GAREM1: variants seen among roughly 807,000 people sequenced by gnomAD.
GAREM1 encodes GRB2 associated regulator of MAPK1 subtype 1.
GAREM1 carries 26 observed loss-of-function variants against 71.3 expected under a neutral mutation model. That is an observed-to-expected ratio of 0.36 (90% CI 0.27 to 0.51). The LOEUF is 0.51. GAREM1 is among the 20% of genes least tolerant of loss of function. The pLI, the probability that GAREM1 is intolerant of heterozygous loss-of-function variation, is 0.95. For missense variants in GAREM1, 1,026 were observed against 1,103.1 expected (o/e 0.93, Z 0.99); for synonymous variants, 440 against 433.2 (o/e 1.02, Z -0.20).
chr18:32,437,145 C>G (rs867602209), intron 1 of GAREM1, among the ~76,000 whole-genome samples: 23 of 152,118 alleles, frequency 1.5e-4, no homozygotes, highest in African/African-American at 5.1e-4. Flanking sequence ...CAAGTATAAC[C>G]AAGCAAAGCA....
At chr18:32,461,219 T>C (rs1293635122) in intron 1 of GAREM1, among the ~76,000 whole-genome samples, 1 of 152,226 alleles carries the variant, frequency 6.6e-6, no homozygotes, top group East Asian at 1.9e-4. Flanking sequence ...TGAGATTTGC[T>C]CATTCATTTA....
At chr18:32,423,501 A>G (rs2048541320) in intron 1 of GAREM1, among the ~76,000 whole-genome samples, 1 of 152,216 alleles carries the variant, frequency 6.6e-6, no homozygotes, top group Non-Finnish European at 1.5e-5. Context: ...GCTCCAAGGT[A>G]AGAAAAAGAA....
intron 3 of GAREM1, among the ~76,000 whole-genome samples, chr18:32,288,615 A>G (rs1397518257): frequency 6.6e-6 from 1 of 151,842 alleles, no homozygotes; most frequent in Non-Finnish European, 1.5e-5. Flanking sequence ...AAAAGAACTT[A>G]AAAATGTGGT....
intron 2 of GAREM1, among the ~76,000 whole-genome samples, chr18:32,324,849 T>C (rs2047460721): frequency 1.3e-5 from 2 of 152,204 alleles, no homozygotes; most frequent in Non-Finnish European, 2.9e-5. Context: ...TGAAAAAAAT[T>C]ATACCATGTA....
intron 3 of GAREM1, chr18:32,290,123 T>C (rs1221202395): frequency 2.0e-5 from 3 of 151,472 alleles, no homozygotes; most frequent in Non-Finnish European, 4.4e-5. Context: ...TAAAAATATA[T>C]AAAGTATTAT....
intron 3 of GAREM1, among the ~76,000 whole-genome samples, chr18:32,298,161 T>G (rs1017819416): frequency 6.6e-6 from 1 of 152,194 alleles, no homozygotes; most frequent in Non-Finnish European, 1.5e-5. Context: ...ACTCCTACTC[T>G]CATACATAAA....
Position 32,376,913 on chromosome 18 carries a change from C to T in GAREM1, c.262+15982G>A, listed in dbSNP as rs190837021. 1.3e-3 allele frequency among the ~76,000 whole-genome samples: 205 copies of T among 152,264 alleles called. 1 individual carries two copies. Among genetic ancestry groups the T allele is most frequent in the African/African-American group, 4.7e-3 (194 of 41,536 alleles). On this transcript the variant is annotated intron_variant, in intron 2 of 5. Transcript: ENST00000269209. ...AACAAAACAAAAACACTAGCAACAGCTGCAGGACACTTACATGATGTTTAG... is the reference window on the plus strand; with the variant it reads ...AACAAAACAAAAACACTAGCAACAGTTGCAGGACACTTACATGATGTTTAG...
At chr18:32,364,017 TA>T (rs1567980724) in intron 2 of GAREM1, among the ~76,000 whole-genome samples, 14 of 64,628 alleles carry the variant, frequency 2.2e-4, no homozygotes, top group African/African-American at 1.4e-3. Context: ...TATATATATA[TA>T]TATATATATG....
intron 1 of GAREM1, among the ~76,000 whole-genome samples, chr18:32,401,738 C>CG (rs2048317987): frequency 6.6e-6 from 1 of 152,040 alleles, no homozygotes; most frequent in Admixed American, 6.6e-5. Context: ...CACTGCCATT[C>CG]GGGGGAAAAA....
chr18:32,415,396 C>T (rs2048457500), intron 1 of GAREM1, among the ~76,000 whole-genome samples: 1 of 151,200 alleles, frequency 6.6e-6, no homozygotes, highest in Non-Finnish European at 1.5e-5. Flanking sequence ...CAGACAAAGG[C>T]ACATCAAAAC....
intron 4 of GAREM1, among the ~76,000 whole-genome samples, chr18:32,286,635 A>G (rs75866764): frequency 0.039 from 5,992 of 152,226 alleles, 306 homozygotes; most frequent in African/African-American, 0.11. Context: ...TTTACCTATG[A>G]AACAGTCTGA....
chr18:32,468,960 T>TCCCCCC (rs34977174), intron 1 of GAREM1, among the ~76,000 whole-genome samples: 540 of 82,102 alleles, frequency 6.6e-3, no homozygotes, highest in African/African-American at 8.5e-3. Context: ...CACCTGTGCG[T>TCCCCCC]CCCCCCCCCC....
At chr18:32,443,820 G>C (rs995691438) in intron 1 of GAREM1, among the ~76,000 whole-genome samples, 13 of 152,126 alleles carry the variant, frequency 8.5e-5, no homozygotes, top group Non-Finnish European at 1.9e-4. Context: ...CTTGTACACA[G>C]ATGTCCATAT....
At chr18:32,373,660 C>A (rs2144630166) in intron 2 of GAREM1, among the ~76,000 whole-genome samples, 1 of 152,318 alleles carries the variant, frequency 6.6e-6, no homozygotes, top group African/African-American at 2.4e-5. Context: ...TCCGCTCCAG[C>A]CGCCCACAAG....
chr18:32,272,909 A>G (rs1396797317), intron 4 of GAREM1, among the ~76,000 whole-genome samples: 1 of 152,208 alleles, frequency 6.6e-6, no homozygotes, highest in Non-Finnish European at 1.5e-5. Context: ...CTGAGAACCA[A>G]CCAGGATGCC....
chr18:32,399,932 G>A (rs1403594965), intron 1 of GAREM1, among the ~76,000 whole-genome samples: 1 of 152,092 alleles, frequency 6.6e-6, no homozygotes, highest in Non-Finnish European at 1.5e-5. Flanking sequence ...ATACTACAAG[G>A]CTACAGTAAC....
chr18:32,458,856 C>T (rs77260178), intron 1 of GAREM1, among the ~76,000 whole-genome samples: 2,048 of 152,126 alleles, frequency 0.013, 43 homozygotes, highest in African/African-American at 0.047. Flanking sequence ...TAGAATCTTT[C>T]CTGGATGCAA....
intron 1 of GAREM1, among the ~76,000 whole-genome samples, chr18:32,417,996 CCTA>C (rs1266094580): frequency 6.6e-6 from 1 of 152,058 alleles, no homozygotes; most frequent in Non-Finnish European, 1.5e-5. Flanking sequence ...AACATATACA[CCTA>C]CTATGTACGC....
intron 2 of GAREM1, among the ~76,000 whole-genome samples, chr18:32,353,351 T>G (rs565552169): frequency 5.9e-5 from 9 of 152,350 alleles, no homozygotes; most frequent in African/African-American, 2.2e-4. Context: ...GCAACAATAC[T>G]TCCATCTGAA....
Sources: allele counts gnomAD v4.1 joint callset (sites outside exome capture counted in the v4.1 genomes callset), GRCh38; gene constraint gnomAD v4.1.1; transcripts MANE v1.5; gene names NCBI Gene and HGNC (gene_info 2026-07-23, HGNC 2026-07-21).